The following DNASE2B variants were observed in gnomAD, a reference collection of about 807,000 sequenced individuals.
DNASE2B encodes deoxyribonuclease 2 beta, also known as deoxyribonuclease-2-beta.
In DNASE2B, 43 loss-of-function variants were observed where a neutral mutation model predicts 46.0. That is an observed-to-expected ratio of 0.94 (90% CI 0.73 to 1.21). DNASE2B has a LOEUF of 1.21. Among genes scored for constraint, DNASE2B ranks in the 50% most tolerant of loss-of-function variants. The probability of loss-of-function intolerance (pLI) is 0.00; values close to 1 mark genes in which losing one functional copy is unlikely to be tolerated. For missense variants in DNASE2B, 395 were observed against 414.4 expected (o/e 0.95, Z 0.41); for synonymous variants, 156 against 152.5 (o/e 1.02, Z -0.17).
intron 2 of DNASE2B, among the ~76,000 whole-genome samples, chr1:84,402,558 G>C (rs917155953): frequency 6.6e-6 from 1 of 152,294 alleles, no homozygotes; most frequent in Middle Eastern, 3.4e-3. Context: ...AAAATGATAT[G>C]TTGAAAACTA....
rs750921488 is a variant in DNASE2B at position 84,408,446 on chromosome 1, AC to A, written c.314del (p.Thr105LysfsTer4). On this transcript the variant is annotated frameshift_variant, in exon 3 of 6. Coordinates refer to ENST00000370665, the MANE Select transcript of DNASE2B (RefSeq NM_021233.3). LOFTEE classifies it high-confidence loss of function. The part of the protein sequence containing the change: ...YEAYASKSNN[T>X]AYLIYNDGVP... ...TAATATATTCCTGCAGAGTAACAAC[AC>A]AGCCTATCTAATATACAATGATGGA... is the stretch of plus-strand genomic sequence containing the variant. 32 of 1,609,246 alleles carry A rather than the reference AC, an allele frequency of 2.0e-5. No homozygotes were observed. In the African/African-American group the frequency reaches 4.3e-4, roughly 22 times the overall value.
rs762509494 is a variant in DNASE2B at position 84,408,470 on chromosome 1, G to A, written c.337G>A (p.Gly113Arg). 1 of 1,611,226 alleles carries A rather than the reference G, an allele frequency of 6.2e-7. No individual in the cohort carries two copies. The highest frequency in any genetic ancestry group is 1.1e-5 in the South Asian group (1 of 90,696). Residue 113 changes from glycine to arginine, a missense_variant, in exon 3 of 6, where the codon GGA becomes AGA. Coordinates refer to ENST00000370665, the MANE Select transcript of DNASE2B (RefSeq NM_021233.3). ...CACAGCCTATCTAATATACAATGAT[G>A]GAGTCCCTAAACCTGTGAATTACAG... ...NNTAYLIYND[G>R]VPKPVNYSRK...
Position 84,402,040 on chromosome 1 carries a change from AG to A in DNASE2B, c.267del (p.Thr90HisfsTer19), listed in dbSNP as rs1457926276. The A allele has an allele frequency of 6.2e-7, 1 of 1,608,730 alleles. No individual in the cohort carries two copies. The highest frequency in any genetic ancestry group is 2.2e-5 in the East Asian group (1 of 44,668). ...LMNDTKSVLGRTLQQLYEAYA... is the reference protein window; with the variant it reads ...LMNDTKSVLGXTLQQLYEAYA... ...GAATGACACCAAGAGTGTTTTGGGAAGGACATTACAACAGCTATATGAAGCA... is the reference window on the plus strand; with the variant it reads ...GAATGACACCAAGAGTGTTTTGGGAAGACATTACAACAGCTATATGAAGCA... On this transcript the variant is annotated frameshift_variant, in exon 2 of 6. Transcript: ENST00000370665. LOFTEE classifies it high-confidence loss of function.
At chr1:84,404,005 T>C (rs992999194) in intron 2 of DNASE2B, among the ~76,000 whole-genome samples, 2 of 147,012 alleles carry the variant, frequency 1.4e-5, no homozygotes, top group Non-Finnish European at 3.0e-5. Flanking sequence ...TAGGGTTTCA[T>C]GATGTTACCC....
At chr1:84,410,087 T>G (rs1419325793) in intron 3 of DNASE2B, among the ~76,000 whole-genome samples, 1 of 152,244 alleles carries the variant, frequency 6.6e-6, no homozygotes, top group Admixed American at 6.5e-5. Flanking sequence ...CATAGTCATA[T>G]GCAAACTGGA....
chr1:84,404,265 G>A (rs1335629074), intron 2 of DNASE2B, among the ~76,000 whole-genome samples: 7 of 151,958 alleles, frequency 4.6e-5, no homozygotes, highest in African/African-American at 1.7e-4. Flanking sequence ...ATTTCTCCAG[G>A]AATCATATCT....
At chr1:84,402,483 G>A (rs1487729171) in intron 2 of DNASE2B, among the ~76,000 whole-genome samples, 1 of 152,194 alleles carries the variant, frequency 6.6e-6, no homozygotes, top group Non-Finnish European at 1.5e-5. Context: ...ATATCATGGT[G>A]TTGATCAGTG....
intron 4 of DNASE2B, among the ~76,000 whole-genome samples, chr1:84,411,300 T>C (rs3121147): frequency 0.53 from 80,512 of 151,818 alleles, 21,386 homozygotes; most frequent in East Asian, 0.61. Flanking sequence ...AGGATAGTGA[T>C]GAACTGGGGT....
chr1:84,400,417 T>C (rs1276301394), intron 1 of DNASE2B, among the ~76,000 whole-genome samples: 1 of 152,138 alleles, frequency 6.6e-6, no homozygotes, highest in Non-Finnish European at 1.5e-5. Context: ...GAAATAATTT[T>C]AGGCTTCTGC....
At chr1:84,412,228 A>G (rs1055949132) in intron 4 of DNASE2B, 121 bp from the exon 5 acceptor site, 10 of 936,600 alleles carry the variant, frequency 1.1e-5, no homozygotes, top group Admixed American at 3.6e-5. Context: ...TGGTTTAAAG[A>G]AAGAAATGCC....
At chr1:84,401,204 C>G (rs890894760) in intron 1 of DNASE2B, among the ~76,000 whole-genome samples, 14 of 152,154 alleles carry the variant, frequency 9.2e-5, no homozygotes, top group Non-Finnish European at 2.1e-4. Flanking sequence ...CTACTGGCAT[C>G]TAATAGGTAG....
intron 4 of DNASE2B, 21 bp from the exon 5 acceptor site, chr1:84,412,327 TC>T (rs777397655): frequency 2.0e-6 from 3 of 1,483,514 alleles, no homozygotes; most frequent in Admixed American, 4.4e-5. Context: ...TCTCAACTTT[TC>T]TTTACTGTTT....
At chr1:84,402,808 T>C (rs144438662) in intron 2 of DNASE2B, among the ~76,000 whole-genome samples, 2,080 of 152,280 alleles carry the variant, frequency 0.014, 45 homozygotes, top group African/African-American at 0.047. Flanking sequence ...ATTATACTCA[T>C]GTATGCATTT....
Position 84,414,761 on chromosome 1 carries a change from CGG to C in DNASE2B, c.980_981del (p.Arg327GlnfsTer31). On this transcript the variant is annotated frameshift_variant, in exon 6 of 6. Transcript: ENST00000370665. LOFTEE classifies it high-confidence loss of function. ...NRWTCIGDLN[R>X]SPHQAFRSGG... ...CTGGACATGTATTGGAGACCTAAATCGGAGTCCACACCAAGCCTTCAGAAGTG... is the reference window on the plus strand; with the variant it reads ...CTGGACATGTATTGGAGACCTAAATCAGTCCACACCAAGCCTTCAGAAGTG... The C allele has an allele frequency of 6.2e-7, 1 of 1,614,156 alleles. No individual in the cohort carries two copies.
Position 84,414,952 on chromosome 1 carries a change from C to A in DNASE2B, c.*84C>A. ...TTACACCTTCTTTATATTTTAAAGG[C>A]CTGTGAATATACTTATAACCTGCAT... On this transcript the variant is annotated 3_prime_UTR_variant, in exon 6 of 6. Transcript: ENST00000370665. 1 of 983,714 alleles carries A rather than the reference C, an allele frequency of 1.0e-6. No individual in the cohort carries two copies. The highest frequency in any genetic ancestry group is 1.5e-6 in the Non-Finnish European group (1 of 669,180). The allele number at this position is 983,714 out of a possible 1,614,324, so 60.9% of individuals were successfully genotyped here. A position where few individuals can be genotyped will look rare whatever the true frequency, so the allele number is the denominator to read the frequency against.
At chr1:84,399,737 G>A (rs1456226425) in intron 1 of DNASE2B, among the ~76,000 whole-genome samples, 4 of 152,174 alleles carry the variant, frequency 2.6e-5, no homozygotes, top group Admixed American at 1.3e-4. Context: ...GAAGATGACC[G>A]GAGGTGAGGT....
rs368272160 is a variant in DNASE2B at position 84,402,083 on chromosome 1, G to A, written c.303+5G>A. The A allele has an allele frequency of 1.3e-6, 2 of 1,587,612 alleles. No homozygotes were observed. The highest frequency in any genetic ancestry group is 1.7e-6 in the Non-Finnish European group (2 of 1,172,136). On this transcript the variant is annotated splice_donor_5th_base_variant and intron_variant, in intron 2 of 5. Coordinates refer to ENST00000370665, the MANE Select transcript of DNASE2B (RefSeq NM_021233.3). ...TATGAAGCATATGCCTCTAAGGTAT[G>A]TTATATAGTTAATTGTTCACTTGAA... is the stretch of plus-strand genomic sequence containing the variant.
At chr1:84,412,156 TG>T (rs1680609065) in intron 4 of DNASE2B, among the ~76,000 whole-genome samples, 192 bp from the exon 5 acceptor site, 1 of 152,242 alleles carries the variant, frequency 6.6e-6, no homozygotes, top group South Asian at 2.1e-4. Flanking sequence ...GGACCATGTC[TG>T]GAAACTAGGA....
intron 5 of DNASE2B, among the ~76,000 whole-genome samples, chr1:84,413,573 G>T (rs1031992240): frequency 2.6e-5 from 4 of 152,128 alleles, no homozygotes; most frequent in African/African-American, 7.2e-5. Flanking sequence ...AGTTTCTTCT[G>T]CCAGGTCCTT....
Sources: gnomAD v4.1 joint callset for allele counts (sites outside exome capture counted in the v4.1 genomes callset) on GRCh38, gnomAD v4.1.1 for gene constraint, MANE v1.5 for transcripts, NCBI Gene and HGNC (gene_info 2026-07-23, HGNC 2026-07-21) for gene names.